WDSUB1: variants seen among roughly 807,000 people sequenced by gnomAD.
WDSUB1 encodes WD repeat, sterile alpha motif and U-box domain containing 1, also known as WD repeat, SAM and U-box domain-containing protein 1.
In WDSUB1, 49 loss-of-function variants were observed where a neutral mutation model predicts 53.9. That is an observed-to-expected ratio of 0.91 (90% CI 0.72 to 1.15). The LOEUF (loss-of-function observed/expected upper bound fraction) is 1.15. Among genes scored for constraint, WDSUB1 ranks in the 50% most tolerant of loss-of-function variants. WDSUB1 has a pLI of 0.00. For synonymous variants in WDSUB1, 194 were observed against 200.6 expected (o/e 0.97, Z 0.28); for missense variants, 514 against 562.0 (o/e 0.91, Z 0.86).
intron 9 of WDSUB1, among the ~76,000 whole-genome samples, chr2:159,254,626 A>G (rs2061022014): frequency 2.0e-5 from 3 of 152,162 alleles, no homozygotes; most frequent in Admixed American, 2.0e-4. Context: ...TATTGTTTCT[A>G]TATGCTTTTC....
At chr2:159,271,841 G>C (rs1335731958) in intron 4 of WDSUB1, 46 bp from the exon 5 acceptor site, 1 of 1,493,458 alleles carries the variant, frequency 6.7e-7, no homozygotes, top group South Asian at 1.2e-5. Context: ...ACCATGCTTA[G>C]AATTGATTTT....
intron 10 of WDSUB1, among the ~76,000 whole-genome samples, chr2:159,240,746 C>T (rs1420909498): frequency 2.6e-5 from 4 of 152,170 alleles, no homozygotes; most frequent in Non-Finnish European, 5.9e-5. Context: ...TAGGGAGCAA[C>T]TGACCTGGGA....
chr2:159,248,233 T>C, intron 10 of WDSUB1, 139 bp downstream of exon 10: 1 of 923,016 alleles, frequency 1.1e-6, no homozygotes, highest in South Asian at 1.8e-5. Flanking sequence ...AATATTCATT[T>C]GTTCACCCAA....
intron 10 of WDSUB1, among the ~76,000 whole-genome samples, chr2:159,239,030 C>A (rs1315649581): frequency 6.6e-6 from 1 of 152,068 alleles, no homozygotes; most frequent in African/African-American, 2.4e-5. Context: ...AAGATAGGGT[C>A]TCACTCTGTC....
chr2:159,259,094 G>A (rs2061135079), intron 6 of WDSUB1, among the ~76,000 whole-genome samples: 1 of 151,932 alleles, frequency 6.6e-6, no homozygotes, highest in Non-Finnish European at 1.5e-5. Context: ...CACAATCTCG[G>A]CTCACTGCAA....
At chr2:159,263,133 G>A (rs1458276594) in intron 5 of WDSUB1, among the ~76,000 whole-genome samples, 6 of 152,082 alleles carry the variant, frequency 3.9e-5, no homozygotes, top group Admixed American at 2.0e-4. Context: ...TGACATGGAC[G>A]TGGTGTAATC....
intron 5 of WDSUB1, among the ~76,000 whole-genome samples, chr2:159,268,069 G>A (rs954299513): frequency 2.6e-5 from 4 of 152,110 alleles, no homozygotes; most frequent in African/African-American, 9.7e-5. Flanking sequence ...ATACAAACTG[G>A]CAAAGAATTA....
chr2:159,273,701 T>TAATTA (rs2061486326), intron 4 of WDSUB1, among the ~76,000 whole-genome samples: 1 of 152,202 alleles, frequency 6.6e-6, no homozygotes, highest in African/African-American at 2.4e-5. Context: ...ATTACAGGTG[T>TAATTA]GAGCCACCAC....
chr2:159,274,435 G>GA (rs934284590), intron 4 of WDSUB1, among the ~76,000 whole-genome samples: 3 of 152,068 alleles, frequency 2.0e-5, no homozygotes, highest in African/African-American at 7.2e-5. Context: ...CAATAGCCAG[G>GA]AAAAAGGAAA....
intron 9 of WDSUB1, among the ~76,000 whole-genome samples, chr2:159,250,791 T>A (rs1302865185): frequency 6.6e-6 from 1 of 152,116 alleles, no homozygotes; most frequent in Non-Finnish European, 1.5e-5. Context: ...AGATCAAGAT[T>A]TGCTGAAGTG....
At chr2:159,238,815 G>T (rs1015640319) in intron 10 of WDSUB1, among the ~76,000 whole-genome samples, 4 of 143,070 alleles carry the variant, frequency 2.8e-5, no homozygotes, top group Non-Finnish European at 5.9e-5. Context: ...ATCACCTTGT[G>T]TATCTCTCGG....
chr2:159,279,359 C>T (rs1401034908), intron 3 of WDSUB1, among the ~76,000 whole-genome samples: 1 of 152,164 alleles, frequency 6.6e-6, no homozygotes, highest in African/African-American at 2.4e-5. Flanking sequence ...GAAAACACAG[C>T]TTCTATTTCC....
intron 10 of WDSUB1, among the ~76,000 whole-genome samples, chr2:159,237,520 C>CAA (rs879593540): frequency 2.9e-5 from 4 of 138,700 alleles, no homozygotes; most frequent in African/African-American, 8.1e-5. Context: ...GACTCCATCT[C>CAA]AAAAAAAAAA....
chr2:159,242,859 G>A (rs900576968), intron 10 of WDSUB1, among the ~76,000 whole-genome samples: 1 of 147,720 alleles, frequency 6.8e-6, no homozygotes, highest in Non-Finnish European at 1.5e-5. Context: ...TGAGGTACAA[G>A]AATGCTGAAA....
chr2:159,239,628 CAT>C (rs999255860), intron 10 of WDSUB1, among the ~76,000 whole-genome samples: 3 of 152,112 alleles, frequency 2.0e-5, no homozygotes, highest in African/African-American at 4.8e-5. Flanking sequence ...TATTTTTTAT[CAT>C]ATAAGAAAGT....
At chr2:159,278,397 C>A (rs1010755543) in intron 3 of WDSUB1, among the ~76,000 whole-genome samples, 1 of 152,030 alleles carries the variant, frequency 6.6e-6, no homozygotes, top group Non-Finnish European at 1.5e-5. Flanking sequence ...GTATCAGGCA[C>A]GATGAAGAAA....
intron 5 of WDSUB1, among the ~76,000 whole-genome samples, chr2:159,269,171 T>A (rs1167555151): frequency 8.1e-4 from 118 of 146,570 alleles, no homozygotes; most frequent in Non-Finnish European, 1.4e-3. Flanking sequence ...ACAGATTTTT[T>A]TTTTTTTTTT....
intron 10 of WDSUB1, among the ~76,000 whole-genome samples, chr2:159,245,796 G>GA (rs1035587230): frequency 6.6e-6 from 1 of 152,088 alleles, no homozygotes; most frequent in African/African-American, 2.4e-5. Context: ...TTGTCTAGAA[G>GA]AAAAAAGGAT....
chr2:159,235,932 A>AC lies in WDSUB1; in HGVS notation c.*100dup. ...ATAGGTAACTAAATTTAAGAAGTTT[A>AC]CCTTTTTCCTGTTTTGCTTTTAATA... On this transcript the variant is annotated 3_prime_UTR_variant, in exon 11 of 11. Coordinates refer to ENST00000359774, the MANE Select transcript of WDSUB1 (RefSeq NM_001128212.3). 1.7e-6 allele frequency: 2 copies of AC among 1,154,898 alleles called. No individual in the cohort carries two copies. The highest frequency in any genetic ancestry group is 2.3e-6 in the Non-Finnish European group (2 of 879,654). The allele number at this position is 1,154,898 out of a possible 1,614,324, so 71.5% of individuals were successfully genotyped here. A position where few individuals can be genotyped will look rare whatever the true frequency, so the allele number is the denominator to read the frequency against.
Sources: allele counts gnomAD v4.1 joint callset (sites outside exome capture counted in the v4.1 genomes callset), GRCh38; gene constraint gnomAD v4.1.1; transcripts MANE v1.5; gene names NCBI Gene and HGNC (gene_info 2026-07-23, HGNC 2026-07-21).